The following ZNF469 variants were observed in gnomAD, a reference collection of about 807,000 sequenced individuals.
ZNF469 encodes the protein zinc finger protein 469.
In ZNF469, 1 loss-of-function variant was observed where a neutral mutation model predicts 1.0. The ratio of observed to expected loss-of-function variants is 1.00; its 90% CI spans 0.35 to 4.73. The LOEUF is 4.73. Ranked by LOEUF, ZNF469 falls within the 30% of genes most tolerant of loss-of-function variation. The pLI, the probability that ZNF469 is intolerant of heterozygous loss-of-function variation, is 0.16. For synonymous variants in ZNF469, 2,703 were observed against 2,363.4 expected (o/e 1.14, Z -4.17); for missense variants, 6,100 against 5,356.3 (o/e 1.14, Z -4.33).
the ZNF469 span, among the ~76,000 whole-genome samples, chr16:88,133,318 C>T: frequency 3.5e-4 from 53 of 152,346 alleles, no homozygotes; most frequent in Admixed American, 5.9e-4. Context: ...ACATTCCCAG[C>T]GCTTGGCAGC....
the ZNF469 span, among the ~76,000 whole-genome samples, chr16:88,229,231 G>A: frequency 1.1e-4 from 16 of 152,158 alleles, no homozygotes; most frequent in African/African-American, 3.6e-4. Flanking sequence ...AAAAACAACC[G>A]GAGAGACTCT....
chr16:88,436,420 C>T lies in ZNF469; in HGVS notation c.8950C>T (p.Pro2984Ser). 3 of 1,548,982 alleles carry T rather than the reference C, an allele frequency of 1.9e-6. No individual in the cohort carries two copies. Among genetic ancestry groups the T allele is most frequent in the Non-Finnish European group, 2.6e-6 (3 of 1,146,960 alleles). Residue 2984 changes from proline (P) to serine (S), a missense_variant, in exon 3 of 3, where the codon CCG (proline) becomes TCG (serine). Transcript: ENST00000565624. ...CTCCCACTGCCCCGAGGACGATCGG[C>T]CGGAGGCCATTCCTGAGCTGCACAT... ...LPSHCPEDDRPEAIPELHMVP... is the reference protein window; with the variant it reads ...LPSHCPEDDRSEAIPELHMVP...
chr16:88,352,596 C>T, the ZNF469 span, among the ~76,000 whole-genome samples: 23 of 152,250 alleles, frequency 1.5e-4, no homozygotes, highest in Admixed American at 1.5e-3. Context: ...AGGCATGGGG[C>T]CAACTTCCCA....
At chr16:88,260,031 G>C in the ZNF469 span, among the ~76,000 whole-genome samples, 1 of 152,024 alleles carries the variant, frequency 6.6e-6, no homozygotes, top group African/African-American at 2.4e-5. This position sits in a 1 kb window ranked among gnomAD's most constrained non-coding sequence, Gnocchi z 4.1. Context: ...AGGCTGGAGT[G>C]CAGTGGTAAG....
At chr16:88,249,626 C>A in the ZNF469 span, among the ~76,000 whole-genome samples, 6 of 151,760 alleles carry the variant, frequency 4.0e-5, no homozygotes, top group Non-Finnish European at 7.4e-5. Context: ...TTAGTAGAGA[C>A]GGGATTTCAC....
At chr16:88,254,270 C>T in the ZNF469 span, among the ~76,000 whole-genome samples, 2 of 152,136 alleles carry the variant, frequency 1.3e-5, no homozygotes, top group Admixed American at 1.3e-4. Context: ...AAAGTCTTCC[C>T]TTTTCCAAGT....
At chr16:88,119,554 G>A in the ZNF469 span, among the ~76,000 whole-genome samples, 7 of 152,360 alleles carry the variant, frequency 4.6e-5, no homozygotes, top group African/African-American at 1.7e-4. Flanking sequence ...CACATGCACT[G>A]ATGAACAACA....
the ZNF469 span, chr16:88,192,295 G>C: frequency 6.6e-6 from 1 of 152,184 alleles, no homozygotes; most frequent in Admixed American, 6.5e-5. Context: ...TGCTGGTAGA[G>C]CCTCAGCTTC....
chr16:88,193,929 T>C, the ZNF469 span, among the ~76,000 whole-genome samples: 1 of 152,186 alleles, frequency 6.6e-6, no homozygotes, highest in Non-Finnish European at 1.5e-5. Flanking sequence ...ATGAGGGCTC[T>C]GCTTCTTAAC....
At chr16:88,365,501 A>C in the ZNF469 span, among the ~76,000 whole-genome samples, 1 of 152,224 alleles carries the variant, frequency 6.6e-6, no homozygotes, top group African/African-American at 2.4e-5. Flanking sequence ...TGAGGCTAGC[A>C]TGGGGGAGCT....
the ZNF469 span, among the ~76,000 whole-genome samples, chr16:88,124,022 C>T: frequency 0.029 from 4,358 of 152,196 alleles, 208 homozygotes; most frequent in African/African-American, 0.099. Context: ...AGGCTGGTCT[C>T]GAACTCCTGA....
chr16:88,386,277 CAG>C (rs1054952833), intron 1 of ZNF469, among the ~76,000 whole-genome samples: 6 of 152,126 alleles, frequency 3.9e-5, no homozygotes, highest in Non-Finnish European at 7.4e-5. Context: ...TCCTGCATTC[CAG>C]GCCACAGTCC....
chr16:88,136,951 G>C, the ZNF469 span, among the ~76,000 whole-genome samples: 1 of 152,232 alleles, frequency 6.6e-6, no homozygotes, highest in Non-Finnish European at 1.5e-5. Flanking sequence ...TCCTTGGGCA[G>C]ACATGCATGT....
At chr16:88,184,641 C>T in the ZNF469 span, among the ~76,000 whole-genome samples, 2 of 151,954 alleles carry the variant, frequency 1.3e-5, no homozygotes, top group African/African-American at 4.8e-5. Flanking sequence ...TGAGTAGCAC[C>T]GCTGTCGCCG....
At chr16:88,337,071 C>T in the ZNF469 span, among the ~76,000 whole-genome samples, 6 of 152,196 alleles carry the variant, frequency 3.9e-5, no homozygotes, top group South Asian at 2.1e-4. Flanking sequence ...ATGGTTTAAC[C>T]GTTCACCAAA....
rs1324223563 is a variant in ZNF469 at position 88,438,525 on chromosome 16, A to G, written c.11055A>G (p.Ala3685=). The G allele has an allele frequency of 2.6e-6, 4 of 1,550,160 alleles. No individual in the cohort carries two copies. The South Asian group carries it at 3.6e-5, about 14-fold the overall frequency. The change falls in exon 3 of 3, where the codon GCA becomes GCG. Residue 3685 remains alanine, a synonymous_variant. Transcript: ENST00000565624. ...AGAGCTCATCAAAGGACAGGTCGGC[A>G]GCATCCACCCCCAGCAAAGCACTCA... ...GCQSSSKDRS[A]ASTPSKALKF...
intron 1 of ZNF469, among the ~76,000 whole-genome samples, chr16:88,406,948 AT>A (rs1054357747): frequency 4.6e-5 from 7 of 152,032 alleles, no homozygotes; most frequent in African/African-American, 1.4e-4. Flanking sequence ...CTCAGTGGAC[AT>A]TTTCTTTCAT....
intron 1 of ZNF469, among the ~76,000 whole-genome samples, chr16:88,423,277 A>AGATGGATGGATGGATAGGTGGGTG (rs1178354587): frequency 8.7e-5 from 13 of 149,246 alleles, no homozygotes; most frequent in African/African-American, 3.2e-4. Context: ...GTGGGTGGGT[A>AGATGGATGGATGGATAGGTGGGTG]GATGGATGGA....
At chr16:88,384,064 G>C (rs956371917) in intron 1 of ZNF469, among the ~76,000 whole-genome samples, 1 of 152,262 alleles carries the variant, frequency 6.6e-6, no homozygotes, top group Non-Finnish European at 1.5e-5. Context: ...TGCCAAGTCC[G>C]CTCCTGCAGC....
Sources: gnomAD v4.1 joint callset for allele counts (sites outside exome capture counted in the v4.1 genomes callset) on GRCh38, gnomAD v4.1.1 for gene constraint, Gnocchi (gnomAD v3.1) non-coding constraint, MANE v1.5 for transcripts, NCBI Gene and HGNC (gene_info 2026-07-23, HGNC 2026-07-21) for gene names.